The following RXFP1 variants were observed in gnomAD, a reference collection of about 807,000 sequenced individuals.
RXFP1 encodes relaxin family peptide receptor 1, also known as relaxin receptor 1.
Under a neutral mutation model 89.8 loss-of-function variants are expected in RXFP1, and 73 were observed. The observed-to-expected ratio is 0.81, with a 90% confidence interval of 0.67 to 0.99. RXFP1 has a LOEUF of 0.99. Among genes scored for constraint, RXFP1 ranks in the 50% least tolerant of loss-of-function variants. RXFP1 has a pLI of 0.00. For missense variants in RXFP1, 793 were observed against 895.5 expected (o/e 0.89, Z 1.46); for synonymous variants, 277 against 305.5 (o/e 0.91, Z 0.97).
intron 8 of RXFP1, among the ~76,000 whole-genome samples, chr4:158,614,416 T>A (rs1245108005): frequency 2.6e-5 from 4 of 152,228 alleles, no homozygotes; most frequent in Non-Finnish European, 5.9e-5. Context: ...TGGAACCACC[T>A]TCATGAATGA....
intron 1 of RXFP1, among the ~76,000 whole-genome samples, chr4:158,526,892 A>T (rs557807649): frequency 2.0e-5 from 3 of 151,610 alleles, no homozygotes; most frequent in Non-Finnish European, 2.9e-5. Context: ...TGTGCCAGCA[A>T]CTCTCTCCAC....
chr4:158,590,682 C>A (rs1355516818), intron 2 of RXFP1, among the ~76,000 whole-genome samples: 2 of 152,140 alleles, frequency 1.3e-5, no homozygotes, highest in East Asian at 1.9e-4. Context: ...CTAATAATAA[C>A]ATGATTGCCG....
In RXFP1 at chr4:158,572,744, C is replaced by T. The variant is rs768983121; in HGVS notation, c.96C>T (p.Phe32=). The T allele has an allele frequency of 5.6e-6, 9 of 1,614,178 alleles. No individual in the cohort carries two copies. The highest frequency in any genetic ancestry group is 1.1e-5 in the South Asian group (1 of 91,084). Reference sequence around the variant, plus strand: ...ATGTCAAGTGCTCCCTTGGCTATTTCCCCTGTGGGAACATCACAAAGTGCT... The same window carrying T: ...ATGTCAAGTGCTCCCTTGGCTATTTTCCCTGTGGGAACATCACAAAGTGCT... ...GQDVKCSLGY[F]PCGNITKCLP... Residue 32 remains phenylalanine (F), a synonymous_variant, in exon 2 of 18, where the codon TTC becomes TTT. Coordinates refer to ENST00000307765, the MANE Select transcript of RXFP1 (RefSeq NM_021634.4).
At chr4:158,585,545 T>C (rs1758130489) in intron 2 of RXFP1, among the ~76,000 whole-genome samples, 1 of 152,178 alleles carries the variant, frequency 6.6e-6, no homozygotes, top group African/African-American at 2.4e-5. Context: ...AACTAAATTA[T>C]AACTAATACT....
At chr4:158,650,869 A>C (rs1772567443) in intron 17 of RXFP1, among the ~76,000 whole-genome samples, 1 of 152,182 alleles carries the variant, frequency 6.6e-6, no homozygotes, top group Non-Finnish European at 1.5e-5. Context: ...CAACAAAAAG[A>C]AGGCCAAGTG....
At chr4:158,626,694 T>G in intron 9 of RXFP1, 126 bp from the exon 10 acceptor site, 1 of 518,358 alleles carries the variant, frequency 1.9e-6, no homozygotes, top group Non-Finnish European at 3.3e-6. Flanking sequence ...TGGCTACAAG[T>G]GAGAGTCTAT....
intron 10 of RXFP1, among the ~76,000 whole-genome samples, chr4:158,627,276 ATGT>A (rs1199921220): frequency 3.3e-5 from 5 of 152,068 alleles, no homozygotes; most frequent in African/African-American, 7.2e-5. Context: ...AAAGTAAAGG[ATGT>A]TAGGTCTTCC....
chr4:158,588,586 T>C (rs1219324100), intron 2 of RXFP1, among the ~76,000 whole-genome samples: 1 of 152,202 alleles, frequency 6.6e-6, no homozygotes, highest in African/African-American at 2.4e-5. Context: ...GTTTCTGTTT[T>C]AGACAGAGCA....
At chr4:158,527,361 G>T (rs934191995) in intron 1 of RXFP1, among the ~76,000 whole-genome samples, 2 of 151,510 alleles carry the variant, frequency 1.3e-5, no homozygotes, top group Non-Finnish European at 2.9e-5. Context: ...TGGCCAACAT[G>T]GCGAAACCCC....
chr4:158,582,900 T>TC (rs1182845188), intron 2 of RXFP1, among the ~76,000 whole-genome samples: 1 of 152,226 alleles, frequency 6.6e-6, no homozygotes, highest in African/African-American at 2.4e-5. Flanking sequence ...TCAGCTCTTC[T>TC]CTTTTTTGGT....
chr4:158,572,836 G>A lies in RXFP1; in HGVS notation c.187+1G>A, dbSNP rs2149998078. The A allele has an allele frequency of 6.2e-7, 1 of 1,614,162 alleles. No homozygotes were observed. Among genetic ancestry groups the A allele is most frequent in the Non-Finnish European group, 8.5e-7 (1 of 1,180,018 alleles). ...AATCAGGCCGATGAGGACAACTGTGGTGAGTGAAGCCCCTGCAGTCACGGT... is the reference window on the plus strand; with the variant it reads ...AATCAGGCCGATGAGGACAACTGTGATGAGTGAAGCCCCTGCAGTCACGGT... On this transcript the variant is annotated splice_donor_variant, in intron 2 of 17. Coordinates refer to ENST00000307765, the MANE Select transcript of RXFP1 (RefSeq NM_021634.4). LOFTEE classifies it high-confidence loss of function.
chr4:158,538,611 C>T (rs548993886), intron 1 of RXFP1, among the ~76,000 whole-genome samples: 1 of 152,134 alleles, frequency 6.6e-6, no homozygotes, highest in Admixed American at 6.5e-5. Context: ...GTCAAGAGTT[C>T]GAGACCAGCC....
At chr4:158,608,077 A>G (rs1271168603) in intron 6 of RXFP1, 34 bp downstream of exon 6, 3 of 1,406,412 alleles carry the variant, frequency 2.1e-6, no homozygotes, top group Non-Finnish European at 3.0e-6. Context: ...TGCCCATTCC[A>G]TGGTAGTCTG....
chr4:158,528,330 C>T (rs537242123), intron 1 of RXFP1, among the ~76,000 whole-genome samples: 1 of 152,178 alleles, frequency 6.6e-6, no homozygotes, highest in South Asian at 2.1e-4. Context: ...ATGGCGCGAC[C>T]CCCCATCTCT....
intron 15 of RXFP1, among the ~76,000 whole-genome samples, chr4:158,645,863 TG>T (rs1293614140): frequency 6.6e-6 from 1 of 152,028 alleles, no homozygotes; most frequent in East Asian, 1.9e-4. Context: ...AATGTCTAAA[TG>T]TTTTTTTTTT....
intron 1 of RXFP1, among the ~76,000 whole-genome samples, chr4:158,524,080 A>G (rs1741857756): frequency 6.6e-6 from 1 of 152,128 alleles, no homozygotes; most frequent in South Asian, 2.1e-4. Context: ...TACCCTGTCT[A>G]CCTTTCAGAA....
intron 12 of RXFP1, among the ~76,000 whole-genome samples, chr4:158,635,731 T>C (rs1214472475): frequency 2.0e-5 from 3 of 152,174 alleles, no homozygotes; most frequent in Non-Finnish European, 4.4e-5. Flanking sequence ...AACCCATTGG[T>C]CATTGTCATT....
intron 1 of RXFP1, among the ~76,000 whole-genome samples, chr4:158,527,564 A>AAAATATATATATACATATAT (rs5741905): frequency 1.0e-5 from 1 of 98,338 alleles, no homozygotes; most frequent in African/African-American, 3.5e-5. Flanking sequence ...AAAAAAAAAA[A>AAAATATATATATACATATAT]ATATATATAT....
intron 1 of RXFP1, among the ~76,000 whole-genome samples, chr4:158,540,090 C>T (rs1746234609): frequency 6.6e-6 from 1 of 152,088 alleles, no homozygotes; most frequent in African/African-American, 2.4e-5. Context: ...AGAAAGGGGT[C>T]CCGATCTAGA....
Sources: gnomAD v4.1 joint callset for allele counts (sites outside exome capture counted in the v4.1 genomes callset) on GRCh38, gnomAD v4.1.1 for gene constraint, MANE v1.5 for transcripts, NCBI Gene and HGNC (gene_info 2026-07-23, HGNC 2026-07-21) for gene names.